GPHN: variants seen among roughly 807,000 people sequenced by gnomAD.
GPHN encodes gephyrin.
A neutral mutation model predicts 95.5 loss-of-function variants in GPHN; 17 were observed. The observed-to-expected ratio is 0.18, with a 90% CI of 0.12 to 0.27. GPHN has a LOEUF of 0.27. Among genes scored for constraint, GPHN ranks in the 10% least tolerant of loss-of-function variants. GPHN has a pLI of 1.00. For missense variants in GPHN, 660 were observed against 978.1 expected (o/e 0.67, Z 4.34); for synonymous variants, 320 against 322.5 (o/e 0.99, Z 0.08).
intron 2 of GPHN, among the ~76,000 whole-genome samples, chr14:66,742,628 TAG>T (rs2072887269): frequency 6.6e-6 from 1 of 152,254 alleles, no homozygotes; most frequent in Admixed American, 6.5e-5. Context: ...GATGTATTGT[TAG>T]AGTCCAAGCC....
the GPHN span, chr14:67,395,284 G>A: frequency 3.4e-5 from 28 of 829,548 alleles, no homozygotes; most frequent in South Asian, 2.0e-4. Flanking sequence ...CTGAAGCACC[G>A]TGGTGGCACC....
the GPHN span, chr14:67,393,287 G>A: frequency 7.5e-7 from 1 of 1,339,756 alleles, no homozygotes; most frequent in Non-Finnish European, 1.1e-6. Flanking sequence ...CATCACGCGG[G>A]CAGGTATAAG....
chr14:67,122,795 G>A (rs534815238), intron 17 of GPHN, among the ~76,000 whole-genome samples: 121 of 152,232 alleles, frequency 7.9e-4, no homozygotes, highest in South Asian at 1.2e-3. Context: ...TTTTTTTCTA[G>A]GACTTCTATA....
intron 8 of GPHN, among the ~76,000 whole-genome samples, chr14:66,952,835 C>T (rs897454821): frequency 6.6e-6 from 1 of 152,056 alleles, no homozygotes; most frequent in Non-Finnish European, 1.5e-5. Flanking sequence ...GCTAGGATTA[C>T]AGGTGCCCGG....
chr14:66,649,297 G>A (rs1480458902), intron 1 of GPHN, among the ~76,000 whole-genome samples: 2 of 151,828 alleles, frequency 1.3e-5, no homozygotes, highest in East Asian at 3.9e-4. Context: ...TCACGCCACT[G>A]CACTCCAACC....
At chr14:67,212,650 T>TGTGTAA in the GPHN span, among the ~76,000 whole-genome samples, 1 of 146,622 alleles carries the variant, frequency 6.8e-6, no homozygotes, top group African/African-American at 2.5e-5. Flanking sequence ...ATTACATATA[T>TGTGTAA]ATATAATATA....
At chr14:66,550,113 A>G (rs1289995927) in intron 1 of GPHN, among the ~76,000 whole-genome samples, 1 of 152,228 alleles carries the variant, frequency 6.6e-6, no homozygotes, top group Non-Finnish European at 1.5e-5. Flanking sequence ...CTTTCAATTC[A>G]TATTAAGAAA....
the GPHN span, chr14:67,729,770 C>G: frequency 4.4e-5 from 22 of 503,530 alleles, no homozygotes; most frequent in Non-Finnish European, 7.5e-5. Flanking sequence ...GGAACGTCCT[C>G]TCTCTTCGGT....
intron 1 of GPHN, among the ~76,000 whole-genome samples, chr14:66,631,052 T>A (rs2063781999): frequency 6.6e-6 from 1 of 151,918 alleles, no homozygotes; most frequent in South Asian, 2.1e-4. Context: ...TTGTTTTTGT[T>A]TTTGTTTGTT....
chr14:66,711,126 A>T (rs922464187), intron 2 of GPHN, among the ~76,000 whole-genome samples: 1 of 151,934 alleles, frequency 6.6e-6, no homozygotes, highest in Non-Finnish European at 1.5e-5. Context: ...GTGATTTGTG[A>T]GATTTTGGTG....
chr14:67,695,225 T>A, the GPHN span, among the ~76,000 whole-genome samples: 1 of 152,140 alleles, frequency 6.6e-6, no homozygotes, highest in African/African-American at 2.4e-5. Context: ...GGGCGAAATG[T>A]GGAATCGCTC....
the GPHN span, among the ~76,000 whole-genome samples, chr14:67,544,493 A>G: frequency 3.9e-5 from 6 of 152,354 alleles, no homozygotes; most frequent in South Asian, 4.1e-4. Context: ...ATACTTGAGG[A>G]AATAATCTAC....
the GPHN span, among the ~76,000 whole-genome samples, chr14:67,457,553 C>A: frequency 0.17 from 26,608 of 152,176 alleles, 3,137 homozygotes; most frequent in African/African-American, 0.34. Context: ...CTGCAGTGAG[C>A]TAGGATGGCA....
chr14:67,663,742 T>C, the GPHN span, among the ~76,000 whole-genome samples: 1 of 152,172 alleles, frequency 6.6e-6, no homozygotes, highest in Non-Finnish European at 1.5e-5. Flanking sequence ...GCAAAAATTA[T>C]GAAGGTGGTA....
chr14:67,407,090 G>C, the GPHN span, among the ~76,000 whole-genome samples: 2 of 152,168 alleles, frequency 1.3e-5, no homozygotes, highest in South Asian at 2.1e-4. Flanking sequence ...CAGCTGGAGA[G>C]ACCCCAGGAA....
chr14:67,362,011 TTTTTTTCTTTTTTC>T, the GPHN span, among the ~76,000 whole-genome samples: 14 of 148,540 alleles, frequency 9.4e-5, no homozygotes, highest in African/African-American at 2.8e-4. Flanking sequence ...GAGTCTTTTT[TTTTTTTCTTTTTTC>T]TTTTTTCTTT....
chr14:67,692,716 G>GT, the GPHN span: 2 of 1,183,050 alleles, frequency 1.7e-6, no homozygotes, highest in Non-Finnish European at 2.4e-6. Context: ...CACAACAGAG[G>GT]TATCTGATTA....
the GPHN span, chr14:67,582,396 G>C: frequency 1.1e-6 from 1 of 941,612 alleles, no homozygotes; most frequent in Non-Finnish European, 1.6e-6. The surrounding 1 kb of genome is among the most constrained non-coding windows in gnomAD (Gnocchi z 5.0). Context: ...GCAGATATAG[G>C]ATGCGTGCAG....
intron 17 of GPHN, among the ~76,000 whole-genome samples, chr14:67,123,244 C>A (rs918423320): frequency 5.9e-5 from 9 of 152,172 alleles, no homozygotes; most frequent in Non-Finnish European, 8.8e-5. Flanking sequence ...AGCATGGATC[C>A]TTCTTCCCTT....
Sources: allele counts gnomAD v4.1 joint callset (sites outside exome capture counted in the v4.1 genomes callset), GRCh38; gene constraint gnomAD v4.1.1; non-coding constraint Gnocchi (gnomAD v3.1); transcripts MANE v1.5; gene names NCBI Gene and HGNC (gene_info 2026-07-23, HGNC 2026-07-21).